Variants in RBFOX1 observed in about 807,000 individuals in gnomAD.
The protein encoded by RBFOX1 is RNA binding protein fox-1 homolog 1.
RBFOX1 carries 8 observed loss-of-function variants against 57.7 expected under a neutral mutation model. That is an observed-to-expected ratio of 0.14 (90% CI 0.08 to 0.25). The LOEUF (loss-of-function observed/expected upper bound fraction) is 0.25, where lower values mean the gene tolerates loss of function less well. Ranked by LOEUF, RBFOX1 falls within the 10% of genes least tolerant of loss-of-function variation. RBFOX1 has a pLI of 1.00. For missense variants in RBFOX1, 611 were observed against 548.5 expected (o/e 1.11, Z -1.14); for synonymous variants, 326 against 222.4 (o/e 1.47, Z -4.15).
chr16:6,756,102 G>T (rs1306346031), intron 3 of RBFOX1, among the ~76,000 whole-genome samples: 2 of 152,030 alleles, frequency 1.3e-5, no homozygotes, highest in Non-Finnish European at 2.9e-5. Flanking sequence ...GTTTTATTTG[G>T]TCATTCATAG....
chr16:7,367,467 G>A (rs2147085969), intron 4 of RBFOX1, among the ~76,000 whole-genome samples: 1 of 152,322 alleles, frequency 6.6e-6, no homozygotes, highest in East Asian at 1.9e-4. Context: ...GTTTGCTATA[G>A]AAATGTGTAC....
intron 2 of RBFOX1, among the ~76,000 whole-genome samples, chr16:6,388,705 C>G (rs1243276480): frequency 6.6e-6 from 1 of 152,016 alleles, no homozygotes; most frequent in African/African-American, 2.4e-5. Context: ...GTGTCACTGC[C>G]TTCTAGCTTG....
rs540706703 is a variant in RBFOX1 at position 6,463,334 on chromosome 16, A to T, written c.-64+146277A>T. On this transcript the variant is annotated intron_variant, in intron 2 of 15. Coordinates refer to ENST00000550418, the MANE Select transcript of RBFOX1 (RefSeq NM_018723.4). ...ACACAGATCACAATTTCTGAACTCT[A>T]TTAACTCAGGTCAACTATTTATTTG... Among the ~76,000 whole-genome samples the T allele has an allele frequency of 9.3e-4, 141 of 152,264 alleles. 1 individual carries two copies. Among genetic ancestry groups the T allele is most frequent in the African/African-American group, 3.2e-3 (133 of 41,550 alleles).
chr16:6,602,067 C>T (rs576492142), intron 2 of RBFOX1, among the ~76,000 whole-genome samples: 5 of 152,146 alleles, frequency 3.3e-5, no homozygotes, highest in Non-Finnish European at 7.3e-5. Context: ...TCTCCTTTCC[C>T]TCCATTATTC....
At chr16:5,671,067 T>C (rs940709673) in intron 3 of RBFOX1, among the ~76,000 whole-genome samples, 8 of 152,216 alleles carry the variant, frequency 5.3e-5, no homozygotes, top group African/African-American at 1.9e-4. Flanking sequence ...TGCTGGGTGC[T>C]CTCAGCCTCA....
chr16:7,543,539 G>T (rs1415979675), intron 5 of RBFOX1, among the ~76,000 whole-genome samples: 2 of 152,138 alleles, frequency 1.3e-5, no homozygotes, highest in Non-Finnish European at 2.9e-5. Context: ...AAGTTGAAAT[G>T]TGTGTGTACC....
intron 1 of RBFOX1, among the ~76,000 whole-genome samples, chr16:5,347,217 G>T (rs941120450): frequency 2.6e-5 from 4 of 151,962 alleles, no homozygotes; most frequent in African/African-American, 9.7e-5. Flanking sequence ...ATTTATTATT[G>T]CATGTCTCTT....
chr16:6,218,646 G>A (rs960814560), intron 1 of RBFOX1, among the ~76,000 whole-genome samples: 1 of 152,136 alleles, frequency 6.6e-6, no homozygotes, highest in Non-Finnish European at 1.5e-5. Flanking sequence ...TAAGAGGAAA[G>A]CCCAGCTTTT....
intron 4 of RBFOX1, among the ~76,000 whole-genome samples, chr16:7,170,379 C>T (rs2080445130): frequency 6.6e-6 from 1 of 152,006 alleles, no homozygotes; most frequent in African/African-American, 2.4e-5. Flanking sequence ...GCAAGTGATA[C>T]TCTCACCTCA....
intron 2 of RBFOX1, among the ~76,000 whole-genome samples, chr16:5,578,773 G>A (rs916891929): frequency 6.6e-6 from 1 of 151,770 alleles, no homozygotes; most frequent in Admixed American, 6.6e-5. Context: ...TATCTCCACC[G>A]GGCCAGGGTG....
chr16:6,117,226 C>T (rs1436572041), intron 1 of RBFOX1, among the ~76,000 whole-genome samples: 2 of 152,100 alleles, frequency 1.3e-5, no homozygotes, highest in Non-Finnish European at 2.9e-5. Flanking sequence ...CCACAAATTA[C>T]TATGAGTGTG....
chr16:6,041,033 T>A (rs1400667704), intron 1 of RBFOX1, among the ~76,000 whole-genome samples: 1 of 152,182 alleles, frequency 6.6e-6, no homozygotes, highest in Non-Finnish European at 1.5e-5. Flanking sequence ...AAATACATAA[T>A]GTTACCCATC....
intron 2 of RBFOX1, among the ~76,000 whole-genome samples, chr16:5,519,377 A>T (rs560079124): frequency 6.8e-4 from 104 of 152,234 alleles, no homozygotes; most frequent in African/African-American, 2.3e-3. Flanking sequence ...CTCTTTTATC[A>T]TTATGGGATA....
intron 1 of RBFOX1, among the ~76,000 whole-genome samples, chr16:6,209,381 T>G (rs2152845284): frequency 8.5e-6 from 1 of 117,904 alleles, no homozygotes; most frequent in South Asian, 3.7e-4. Flanking sequence ...TCAGAGAAAC[T>G]TAATAATAAA....
chr16:6,489,236 C>G (rs139195385), intron 2 of RBFOX1, among the ~76,000 whole-genome samples: 116 of 152,304 alleles, frequency 7.6e-4, no homozygotes, highest in African/African-American at 2.7e-3. Flanking sequence ...GCAATTCTAA[C>G]AACCTTCCCA....
chr16:6,939,494 G>A (rs1212665269), intron 3 of RBFOX1, among the ~76,000 whole-genome samples: 1 of 131,336 alleles, frequency 7.6e-6, no homozygotes, highest in African/African-American at 3.2e-5. Context: ...AATAGTTTCA[G>A]AATTTTTCTT....
intron 1 of RBFOX1, among the ~76,000 whole-genome samples, chr16:5,304,888 C>G (rs1456551153): frequency 6.6e-6 from 1 of 152,166 alleles, no homozygotes; most frequent in Non-Finnish European, 1.5e-5. Flanking sequence ...TTCTCCTATT[C>G]CCTGCGAATT....
chr16:6,816,829 C>G (rs923434614), intron 3 of RBFOX1, among the ~76,000 whole-genome samples: 8 of 152,030 alleles, frequency 5.3e-5, no homozygotes, highest in African/African-American at 1.9e-4. Flanking sequence ...ACTGCAGTCT[C>G]AAACTCCTGG....
intron 3 of RBFOX1, among the ~76,000 whole-genome samples, chr16:6,913,638 G>T (rs1236597539): frequency 6.6e-6 from 1 of 152,172 alleles, no homozygotes; most frequent in Non-Finnish European, 1.5e-5. Context: ...CCACCAGATT[G>T]TTTGGGCAGC....
Sources: allele counts gnomAD v4.1 joint callset (sites outside exome capture counted in the v4.1 genomes callset), GRCh38; gene constraint gnomAD v4.1.1; transcripts MANE v1.5; gene names NCBI Gene and HGNC (gene_info 2026-07-23, HGNC 2026-07-21).